CFAP20DC: variants seen among roughly 807,000 people sequenced by gnomAD.
CFAP20DC encodes the protein CFAP20 domain containing.
In CFAP20DC, 84 loss-of-function variants were observed where a neutral mutation model predicts 101.7. The ratio of observed to expected loss-of-function variants is 0.83; its 90% CI spans 0.69 to 0.99. CFAP20DC has a LOEUF of 0.99. Among genes scored for constraint, CFAP20DC ranks in the 50% least tolerant of loss-of-function variants. The pLI, the probability that CFAP20DC is intolerant of heterozygous loss-of-function variation, is 0.00. For synonymous variants in CFAP20DC, 359 were observed against 351.2 expected, an observed-to-expected ratio of 1.02 and a Z score of -0.25; for missense variants, 1,007 against 970.3, an observed-to-expected ratio of 1.04 and a Z score of -0.50.
chr3:58,949,634 A>G (rs1405081240), intron 4 of CFAP20DC, among the ~76,000 whole-genome samples: 1 of 152,008 alleles, frequency 6.6e-6, no homozygotes, highest in East Asian at 1.9e-4. Context: ...TGATTGCACA[A>G]TCCAGCATAT....
chr3:58,931,727 G>T (rs1034879725), intron 5 of CFAP20DC, among the ~76,000 whole-genome samples: 1 of 152,136 alleles, frequency 6.6e-6, no homozygotes, highest in African/African-American at 2.4e-5. Context: ...TCTGTTAGAA[G>T]GAAAACTAAC....
intron 12 of CFAP20DC, among the ~76,000 whole-genome samples, chr3:58,850,886 A>T (rs1227532124): frequency 6.6e-6 from 1 of 152,098 alleles, no homozygotes; most frequent in Non-Finnish European, 1.5e-5. Flanking sequence ...TTTCTTCCTG[A>T]ATGTTTTACC....
intron 14 of CFAP20DC, among the ~76,000 whole-genome samples, chr3:58,812,614 G>T (rs943962192): frequency 2.6e-5 from 4 of 151,642 alleles, no homozygotes; most frequent in Non-Finnish European, 5.9e-5. Context: ...TAAATGACGA[G>T]TTAATGGGTG....
chr3:58,822,296 A>T (rs555902177), intron 14 of CFAP20DC, among the ~76,000 whole-genome samples: 8 of 116,946 alleles, frequency 6.8e-5, no homozygotes, highest in South Asian at 3.2e-4. Context: ...AAAGTATAAT[A>T]AAAAAAAATC....
intron 4 of CFAP20DC, among the ~76,000 whole-genome samples, chr3:58,940,073 C>T (rs533893779): frequency 1.8e-4 from 28 of 152,248 alleles, no homozygotes; most frequent in African/African-American, 6.7e-4. Context: ...AGCCAAACTA[C>T]ATATTTTTAA....
chr3:58,762,482 T>A (rs552547642), intron 15 of CFAP20DC, among the ~76,000 whole-genome samples: 466 of 152,304 alleles, frequency 3.1e-3, no homozygotes, highest in Non-Finnish European at 4.7e-3. Context: ...GGGTCTTGAC[T>A]CTTTATCCAA....
At chr3:58,989,865 C>T (rs955720443) in intron 4 of CFAP20DC, among the ~76,000 whole-genome samples, 2 of 152,060 alleles carry the variant, frequency 1.3e-5, no homozygotes, top group African/African-American at 4.8e-5. Flanking sequence ...TAGCAAAGCA[C>T]AAGACAAGGC....
At chr3:59,020,543 A>ATGTG (rs10576227) in intron 4 of CFAP20DC, among the ~76,000 whole-genome samples, 1 of 151,262 alleles carries the variant, frequency 6.6e-6, no homozygotes, top group African/African-American at 2.4e-5. Flanking sequence ...GCATGAAATA[A>ATGTG]TGTGTGTGTG....
chr3:58,936,220 T>C (rs1380233957), intron 5 of CFAP20DC, among the ~76,000 whole-genome samples: 1 of 151,830 alleles, frequency 6.6e-6, no homozygotes, highest in Non-Finnish European at 1.5e-5. Context: ...AAAACCACAA[T>C]GAGATACCAT....
intron 7 of CFAP20DC, among the ~76,000 whole-genome samples, chr3:58,871,199 G>A (rs1251987179): frequency 6.6e-6 from 1 of 152,110 alleles, no homozygotes; most frequent in Non-Finnish European, 1.5e-5. Context: ...GATGTAGGAT[G>A]CCCTAGGCAG....
chr3:58,866,057 A>C (rs2082691878), intron 11 of CFAP20DC, among the ~76,000 whole-genome samples: 1 of 152,256 alleles, frequency 6.6e-6, no homozygotes. Flanking sequence ...AGTCAGATTT[A>C]TGCTAGAGAC....
chr3:58,934,969 G>C (rs1421718475), intron 5 of CFAP20DC, among the ~76,000 whole-genome samples: 1 of 152,198 alleles, frequency 6.6e-6, no homozygotes, highest in Non-Finnish European at 1.5e-5. Context: ...ATTAGGAAAA[G>C]AGGAAGTCAA....
At chr3:58,944,859 G>C (rs1334848606) in intron 4 of CFAP20DC, among the ~76,000 whole-genome samples, 1 of 152,032 alleles carries the variant, frequency 6.6e-6, no homozygotes, top group Non-Finnish European at 1.5e-5. Flanking sequence ...AGCAAGACTG[G>C]AGTGTAAACT....
intron 15 of CFAP20DC, among the ~76,000 whole-genome samples, chr3:58,779,402 C>T (rs934352570): frequency 6.6e-6 from 1 of 152,018 alleles, no homozygotes; most frequent in Admixed American, 6.6e-5. Context: ...AAGCAAAACA[C>T]TAAAAGAAGA....
intron 1 of CFAP20DC, among the ~76,000 whole-genome samples, chr3:59,047,745 G>A (rs766366443): frequency 6.6e-5 from 10 of 152,090 alleles, no homozygotes; most frequent in Non-Finnish European, 1.3e-4. Flanking sequence ...TTAACTTCTT[G>A]ATTCTCCATC....
intron 12 of CFAP20DC, among the ~76,000 whole-genome samples, chr3:58,860,143 C>G (rs922028763): frequency 1.5e-5 from 2 of 131,182 alleles, no homozygotes; most frequent in Middle Eastern, 5.6e-3. Flanking sequence ...CACCACTGCA[C>G]TCCAGCCTGG....
Position 58,972,929 on chromosome 3 carries a change from C to T in CFAP20DC, c.279-35167G>A, listed in dbSNP as rs181766346. Among the ~76,000 whole-genome samples the T allele has an allele frequency of 1.6e-4, 25 of 152,272 alleles. 1 individual carries two copies. The highest frequency in any genetic ancestry group is 1.6e-3 in the Admixed American group (24 of 15,274). Reference sequence around the variant, plus strand: ...TATAATACAGTACACAGCATTTTCACATTTGATTTCTGAAGCATCCCTTAT... The same window carrying T: ...TATAATACAGTACACAGCATTTTCATATTTGATTTCTGAAGCATCCCTTAT... On this transcript the variant is annotated intron_variant, in intron 4 of 16. Coordinates refer to ENST00000482387, the MANE Select transcript of CFAP20DC (RefSeq NM_001394063.1).
chr3:58,947,817 A>C lies in CFAP20DC; in HGVS notation c.279-10055T>G, dbSNP rs569704201. Among the ~76,000 whole-genome samples, 19 of 152,210 alleles carry C rather than the reference A, an allele frequency of 1.2e-4. 1 individual carries two copies. Among genetic ancestry groups the C allele is most frequent in the Admixed American group, 6.5e-4 (10 of 15,284 alleles). On this transcript the variant is annotated intron_variant, in intron 4 of 16. Transcript: ENST00000482387. ...GAGAATAGGACAACAAAGGAGGAAAAGGCAATATAAGAATGTACTATCAGT... is the reference window on the plus strand; with the variant it reads ...GAGAATAGGACAACAAAGGAGGAAACGGCAATATAAGAATGTACTATCAGT...
intron 4 of CFAP20DC, among the ~76,000 whole-genome samples, chr3:59,004,724 G>C (rs1245021822): frequency 1.3e-5 from 2 of 152,168 alleles, no homozygotes; most frequent in Non-Finnish European, 2.9e-5. Context: ...GCTGCATAGA[G>C]GCCCCCACCT....
Sources: allele counts gnomAD v4.1 joint callset (sites outside exome capture counted in the v4.1 genomes callset), GRCh38; gene constraint gnomAD v4.1.1; transcripts MANE v1.5; gene names NCBI Gene and HGNC (gene_info 2026-07-23, HGNC 2026-07-21).